CNTNAP2: variants seen among roughly 807,000 people sequenced by gnomAD.
CNTNAP2 encodes the protein contactin-associated protein-like 2.
In CNTNAP2, 98 loss-of-function variants were observed where a neutral mutation model predicts 155.2. The observed-to-expected ratio is 0.63, with a 90% CI of 0.54 to 0.75. CNTNAP2 has a LOEUF of 0.75. Among genes scored for constraint, CNTNAP2 ranks in the 30% least tolerant of loss-of-function variants. The pLI is 0.00. For missense variants in CNTNAP2, 1,727 were observed against 1,688.1 expected (o/e 1.02, Z -0.40); for synonymous variants, 651 against 631.2 (o/e 1.03, Z -0.47).
intron 1 of CNTNAP2, among the ~76,000 whole-genome samples, chr7:146,750,352 C>T (rs1009796760): frequency 2.0e-5 from 3 of 152,114 alleles, no homozygotes; most frequent in Non-Finnish European, 4.4e-5. Flanking sequence ...CTCCTCTCTG[C>T]TCTGTATGCT....
At chr7:147,317,622 CT>C (rs1282914767) in intron 9 of CNTNAP2, among the ~76,000 whole-genome samples, 1 of 152,208 alleles carries the variant, frequency 6.6e-6, no homozygotes. Flanking sequence ...TCAGGGAAGC[CT>C]TCCCTTTGTC....
At chr7:147,713,493 T>C (rs1158823828) in intron 13 of CNTNAP2, among the ~76,000 whole-genome samples, 1 of 152,172 alleles carries the variant, frequency 6.6e-6, no homozygotes, top group Non-Finnish European at 1.5e-5. Context: ...TTCCTTTGTA[T>C]TTTGGGTAAT....
intron 3 of CNTNAP2, among the ~76,000 whole-genome samples, chr7:146,931,249 G>A (rs1206036691): frequency 6.6e-6 from 1 of 152,158 alleles, no homozygotes; most frequent in Non-Finnish European, 1.5e-5. Flanking sequence ...TCAGACCACA[G>A]TGCAATCAAA....
At position 147,360,928 on chromosome 7, in the gene CNTNAP2, G is replaced by T. The variant is rs117597993; in HGVS notation, c.1499-34681G>T. On this transcript the variant is annotated intron_variant, in intron 9 of 23. Transcript: ENST00000361727. Reference sequence around the variant, plus strand: ...TGGTTTCCTTGAACATTACCAATGGGTTGGATTCATCCATTAGAAGGATTT... The same window carrying T: ...TGGTTTCCTTGAACATTACCAATGGTTTGGATTCATCCATTAGAAGGATTT... 4.6e-5 allele frequency among the ~76,000 whole-genome samples: 7 copies of T among 152,240 alleles called. No individual in the cohort carries two copies. In the East Asian group the frequency reaches 1.4e-3, roughly 29 times the overall value.
intron 12 of CNTNAP2, among the ~76,000 whole-genome samples, chr7:147,574,556 T>A (rs146303652): frequency 6.6e-6 from 1 of 152,260 alleles, no homozygotes; most frequent in African/African-American, 2.4e-5. Context: ...GTTCCCGTTT[T>A]AGGACTCTCT....
At chr7:147,798,751 A>C (rs1434452924) in intron 13 of CNTNAP2, among the ~76,000 whole-genome samples, 1 of 152,200 alleles carries the variant, frequency 6.6e-6, no homozygotes, top group East Asian at 1.9e-4. Context: ...AAATCAGACT[A>C]TCCTGGATGT....
intron 12 of CNTNAP2, among the ~76,000 whole-genome samples, chr7:147,602,852 G>A (rs1014988401): frequency 4.6e-5 from 7 of 151,354 alleles, no homozygotes; most frequent in African/African-American, 1.7e-4. Flanking sequence ...GTATTCCATG[G>A]TGTATATGTG....
At chr7:146,778,350 C>T (rs1297121532) in intron 2 of CNTNAP2, among the ~76,000 whole-genome samples, 1 of 152,196 alleles carries the variant, frequency 6.6e-6, no homozygotes, top group African/African-American at 2.4e-5. Context: ...ACAAATCCAT[C>T]TGCTATAATC....
At chr7:146,849,816 G>A (rs933055717) in intron 3 of CNTNAP2, among the ~76,000 whole-genome samples, 1 of 152,124 alleles carries the variant, frequency 6.6e-6, no homozygotes, top group Admixed American at 6.6e-5. Flanking sequence ...TATAAAGAAT[G>A]CAAGTAAGTA....
chr7:148,071,209 G>A (rs891865900), intron 15 of CNTNAP2, among the ~76,000 whole-genome samples: 1 of 152,158 alleles, frequency 6.6e-6, no homozygotes, highest in African/African-American at 2.4e-5. Flanking sequence ...AGGTGCAGTG[G>A]CTCACGCCTG....
At chr7:147,631,047 A>G (rs1052487575) in intron 12 of CNTNAP2, among the ~76,000 whole-genome samples, 2 of 152,110 alleles carry the variant, frequency 1.3e-5, no homozygotes, top group African/African-American at 4.8e-5. Flanking sequence ...CTGTTCACAG[A>G]TGATATGATC....
intron 2 of CNTNAP2, among the ~76,000 whole-genome samples, chr7:146,795,813 C>T (rs1802758499): frequency 6.6e-6 from 1 of 152,168 alleles, no homozygotes; most frequent in Non-Finnish European, 1.5e-5. Flanking sequence ...AGAAAAATGC[C>T]TGCTCATGTT....
At chr7:146,149,869 T>A (rs1584773422) in intron 1 of CNTNAP2, among the ~76,000 whole-genome samples, 3 of 126,620 alleles carry the variant, frequency 2.4e-5, no homozygotes, top group African/African-American at 3.0e-5. Flanking sequence ...CAAACAGCAT[T>A]AGCCACAAAG....
chr7:148,121,361 T>C (rs1310423044), intron 16 of CNTNAP2, among the ~76,000 whole-genome samples: 1 of 152,152 alleles, frequency 6.6e-6, no homozygotes, highest in Non-Finnish European at 1.5e-5. Context: ...GTCAGACACT[T>C]CGCCATCAGG....
intron 3 of CNTNAP2, among the ~76,000 whole-genome samples, chr7:146,994,000 T>A (rs955746492): frequency 1.3e-5 from 2 of 152,134 alleles, no homozygotes; most frequent in African/African-American, 4.8e-5. Context: ...AATATTATCA[T>A]CATTTTCTAT....
intron 20 of CNTNAP2, among the ~76,000 whole-genome samples, chr7:148,241,060 A>G (rs1016444661): frequency 2.0e-5 from 3 of 152,198 alleles, no homozygotes; most frequent in Non-Finnish European, 4.4e-5. Flanking sequence ...AATACTTTGC[A>G]TCCTTCAATT....
At chr7:147,970,055 A>G (rs1256125430) in intron 14 of CNTNAP2, among the ~76,000 whole-genome samples, 4 of 151,836 alleles carry the variant, frequency 2.6e-5, no homozygotes, top group South Asian at 2.1e-4. Context: ...TCAGCCTCCC[A>G]AGTAGCTGGG....
At chr7:146,271,539 G>A (rs376241334) in intron 1 of CNTNAP2, among the ~76,000 whole-genome samples, 5 of 151,328 alleles carry the variant, frequency 3.3e-5, no homozygotes, top group Admixed American at 6.6e-5. Context: ...AATAATATAC[G>A]GTTTATTCAC....
At chr7:147,304,140 T>G (rs191056637) in intron 9 of CNTNAP2, among the ~76,000 whole-genome samples, 40 of 152,338 alleles carry the variant, frequency 2.6e-4, no homozygotes, top group Non-Finnish European at 5.3e-4. Flanking sequence ...TCCCTGCTAA[T>G]GCCGGCAAAG....
Sources: gnomAD v4.1 joint callset for allele counts (sites outside exome capture counted in the v4.1 genomes callset) on GRCh38, gnomAD v4.1.1 for gene constraint, MANE v1.5 for transcripts, NCBI Gene and HGNC (gene_info 2026-07-23, HGNC 2026-07-21) for gene names.